Variants in DHRS7 observed in about 807,000 individuals in gnomAD.
DHRS7 encodes dehydrogenase/reductase 7, also known as dehydrogenase/reductase SDR family member 7.
A neutral mutation model predicts 38.9 loss-of-function variants in DHRS7; 34 were observed. The ratio of observed to expected loss-of-function variants is 0.87; its 90% CI spans 0.66 to 1.16. DHRS7 has a LOEUF of 1.16. Among genes scored for constraint, DHRS7 ranks in the 50% most tolerant of loss-of-function variants. The pLI, the probability that DHRS7 is intolerant of heterozygous loss-of-function variation, is 0.00. For synonymous variants in DHRS7, 158 were observed against 153.1 expected, an observed-to-expected ratio of 1.03 and a Z score of -0.24; for missense variants, 421 against 407.0, an observed-to-expected ratio of 1.03 and a Z score of -0.30.
chr14:60,168,833 C>T (rs1424977697), upstream of DHRS7: 3 of 1,445,114 alleles, frequency 2.1e-6, no homozygotes, highest in Non-Finnish European at 2.8e-6. Flanking sequence ...TAATTTCACT[C>T]TTCATAAACC....
Position 60,156,052 on chromosome 14 carries a change from C to T in DHRS7, c.234G>A (p.Val78=). The change falls in exon 2 of 7, where the codon GTG becomes GTA. Residue 78 remains valine, a synonymous_variant. Coordinates refer to ENST00000557185, the MANE Select transcript of DHRS7 (RefSeq NM_016029.4). ...GCTCATGCACTCTTCTGGCTGACAGCACAAGAGAAACTCCTAGTTTAGACA... is the reference window on the plus strand; with the variant it reads ...GCTCATGCACTCTTCTGGCTGACAGTACAAGAGAAACTCCTAGTTTAGACA... ...YQLSKLGVSL[V]LSARRVHELE... 3.7e-6 allele frequency: 6 copies of T among 1,605,756 alleles called. No homozygotes were observed. In the Middle Eastern group the frequency reaches 8.3e-4, roughly 222 times the overall value.
intron 1 of DHRS7, among the ~76,000 whole-genome samples, chr14:60,163,924 G>T (rs1279209159): frequency 1.3e-5 from 2 of 152,176 alleles, no homozygotes; most frequent in South Asian, 2.1e-4. Context: ...TGGAACAATC[G>T]ATCAAGAGAA....
rs577056825 is a variant in DHRS7 at position 60,162,441 on chromosome 14, G to A, written c.133+2736C>T. Among the ~76,000 whole-genome samples, 6 of 152,114 alleles carry A rather than the reference G, an allele frequency of 3.9e-5. No homozygotes were observed. Among genetic ancestry groups the A allele is most frequent in the South Asian group, 2.1e-4 (1 of 4,812 alleles). On this transcript the variant is annotated intron_variant, in intron 1 of 6. Transcript: ENST00000557185. This position sits in a 1 kb window ranked among gnomAD's most constrained non-coding sequence, Gnocchi z 4.5. ...GGAAATGCACAGAATTTCTCTAGAC[G>A]GATACAGAGGAGGCAGGAAATGGTG...
chr14:60,149,680 C>T, intron 5 of DHRS7, 112 bp from the exon 6 acceptor site: 1 of 765,074 alleles, frequency 1.3e-6, no homozygotes, highest in South Asian at 1.8e-5. Flanking sequence ...GAGCTTCATG[C>T]CCCTTAGGAG....
chr14:60,150,652 T>A lies in DHRS7; in HGVS notation c.634-465A>T, dbSNP rs188416184. ...CCCTACAAAGGACATGAACTCATCCTTTTTTATGGATGCATAGTATTCCAT... is the reference window on the plus strand; with the variant it reads ...CCCTACAAAGGACATGAACTCATCCATTTTTATGGATGCATAGTATTCCAT... On this transcript the variant is annotated intron_variant, in intron 4 of 6. Coordinates refer to ENST00000557185, the MANE Select transcript of DHRS7 (RefSeq NM_016029.4). 1.9e-3 allele frequency among the ~76,000 whole-genome samples: 290 copies of A among 152,354 alleles called. 1 individual carries two copies. The highest frequency in any genetic ancestry group is 3.4e-3 in the Middle Eastern group (1 of 294).
chr14:60,145,088 G>A lies in DHRS7; in HGVS notation c.973-75C>T. The A allele has an allele frequency of 1.0e-6, 1 of 977,762 alleles. No individual in the cohort carries two copies. Among genetic ancestry groups the A allele is most frequent in the Non-Finnish European group, 1.5e-6 (1 of 683,302 alleles). The allele number at this position is 977,762 out of a possible 1,614,324, so 60.6% of individuals were successfully genotyped here. On this transcript the variant is annotated intron_variant, in intron 6 of 6. Transcript: ENST00000557185. The surrounding 1 kb of genome is among the most constrained non-coding windows in gnomAD (Gnocchi z 4.0). The stretch of plus-strand genomic sequence containing the variant: ...CAGTTTTTAACATTTAAGTCCTTCT[G>A]TTTTGAGGAGCTGTATCATTATGAT...
In DHRS7 at chr14:60,149,363, T is replaced by G. The variant is rs1451320545; in HGVS notation, c.962A>C (p.Lys321Thr). 1 of 1,614,178 alleles carries G rather than the reference T, an allele frequency of 6.2e-7. No homozygotes were observed. Among genetic ancestry groups the G allele is most frequent in the Admixed American group, 1.7e-5 (1 of 60,026 alleles). The change falls in exon 6 of 7, where the codon AAG (lysine) becomes ACG (threonine). Residue 321 changes from lysine (K) to threonine (T), a missense_variant. Physicochemically the swap from Lys to Thr is moderately conservative, Grantham distance 78. Coordinates refer to ENST00000557185, the MANE Select transcript of DHRS7 (RefSeq NM_016029.4). Reference protein sequence around the residue: ...KMGKKRIENFKSGVDADSSYF... With the variant: ...KMGKKRIENFTSGVDADSSYF... Reference sequence around the variant, plus strand: ...AGAAATTGGTCTTACCACACCACTCTTAAAGTTCTCAATCCTTTTCTTCCC... The same window carrying G: ...AGAAATTGGTCTTACCACACCACTCGTAAAGTTCTCAATCCTTTTCTTCCC...
At chr14:60,169,296 C>G (rs1197951207), upstream of DHRS7, among the ~76,000 whole-genome samples, 1 of 152,108 alleles carries the variant, frequency 6.6e-6, no homozygotes, top group East Asian at 1.9e-4. Context: ...CCAGAAATCC[C>G]CCAGATGGAT....
intron 6 of DHRS7, 176 bp downstream of exon 6, chr14:60,149,177 T>G (rs569454685): frequency 3.3e-6 from 2 of 614,372 alleles, no homozygotes; most frequent in African/African-American, 1.8e-5. Flanking sequence ...TTCACTATGT[T>G]GGCCAGGTTG....
chr14:60,147,604 C>T (rs1203514583), intron 6 of DHRS7: 1 of 152,184 alleles, frequency 6.6e-6, no homozygotes, highest in Admixed American at 6.5e-5. Flanking sequence ...CAATAGCTAA[C>T]ACTTAGAACA....
At chr14:60,168,756 A>G (rs939397762), upstream of DHRS7, 1 of 1,551,716 alleles carries the variant, frequency 6.4e-7, no homozygotes, top group African/African-American at 1.4e-5. Flanking sequence ...TAAGAAAAAC[A>G]AAATTCTTTC....
chr14:60,156,257 T>C (rs1055970444), intron 1 of DHRS7, 105 bp from the exon 2 acceptor site: 14 of 983,936 alleles, frequency 1.4e-5, no homozygotes, highest in Non-Finnish European at 1.8e-5. Flanking sequence ...CCACTAAATA[T>C]GAAGGCATGA....
rs1896457693 is a variant in DHRS7 at position 60,148,315 on chromosome 14, A to G, written c.972+1038T>C. 6.6e-6 allele frequency: 1 copy of G among 152,190 alleles called. No individual in the cohort carries two copies. Among genetic ancestry groups the G allele is most frequent in the African/African-American group, 2.4e-5 (1 of 41,444 alleles). 9.4% of individuals were successfully genotyped at this position (152,190 alleles called of 1,614,324 possible). Reference sequence around the variant, plus strand: ...GTCAATCCCCATTGATTAATTTCTAAAAGAAGGTGGTAACAAAGTATATCA... The same window carrying G: ...GTCAATCCCCATTGATTAATTTCTAGAAGAAGGTGGTAACAAAGTATATCA... On this transcript the variant is annotated intron_variant, in intron 6 of 6. Coordinates refer to ENST00000557185, the MANE Select transcript of DHRS7 (RefSeq NM_016029.4). This position sits in a 1 kb window ranked among gnomAD's most constrained non-coding sequence, Gnocchi z 4.8.
rs1896415346 is a variant in DHRS7, at chr14:60,146,692, T to C, written c.973-1679A>G. ...ATGTGTGTGTGTGTCTGTGTGTGTA[T>C]ATATATATATGGAATATTATTCCAC... On this transcript the variant is annotated intron_variant, in intron 6 of 6. Transcript: ENST00000557185. This position sits in a 1 kb window ranked among gnomAD's most constrained non-coding sequence, Gnocchi z 4.9. 1 of 151,682 alleles carries C rather than the reference T, an allele frequency of 6.6e-6. No individual in the cohort carries two copies. The highest frequency in any genetic ancestry group is 2.4e-5 in the African/African-American group (1 of 41,270). The allele number at this position is 151,682 out of a possible 1,614,324, so 9.4% of individuals were successfully genotyped here. A position where few individuals can be genotyped will look rare whatever the true frequency, so the allele number is the denominator to read the frequency against.
chr14:60,164,596 A>G (rs749269297), intron 1 of DHRS7, among the ~76,000 whole-genome samples: 15 of 152,260 alleles, frequency 9.9e-5, no homozygotes, highest in East Asian at 9.6e-4. Flanking sequence ...CAGTATGCCA[A>G]TAATGATCTC....
rs1896654201 is a variant in DHRS7, at chr14:60,156,107, C to G, written c.179G>C (p.Ser60Thr). ...GTAAGCCAGCTCCTCACCAATTCCACTCGAGGCTCCAGTCACCCACACCAC... is the reference window on the plus strand; with the variant it reads ...GTAAGCCAGCTCCTCACCAATTCCAGTCGAGGCTCCAGTCACCCACACCAC... ...DMVVWVTGAS[S>T]GIGEELAYQL... The change falls in exon 2 of 7, where the codon AGT becomes ACT. Residue 60 changes from serine to threonine, a missense_variant. Coordinates refer to ENST00000557185, the MANE Select transcript of DHRS7 (RefSeq NM_016029.4). The G allele has an allele frequency of 1.2e-6, 2 of 1,600,758 alleles. No homozygotes were observed. Among genetic ancestry groups the G allele is most frequent in the Non-Finnish European group, 1.7e-6 (2 of 1,173,470 alleles).
chr14:60,153,176 G>A lies in DHRS7; in HGVS notation c.396C>T (p.Ile132=), dbSNP rs151158583. The change falls in exon 4 of 7, where the codon ATC becomes ATT. Residue 132 remains isoleucine (I), a splice_region_variant and synonymous_variant. Transcript: ENST00000557185. The surrounding 1 kb of genome is among the most constrained non-coding windows in gnomAD (Gnocchi z 4.4). ...TKAVLQEFGR[I]DILVNNGGMS... is the part of the protein sequence containing the mutation. ...TTCCACCATTGTTGACCAGAATGTC[G>A]ATCTAGTTAAATAAAATCAGAAAAG... is the stretch of plus-strand genomic sequence containing the variant. 5.2e-4 allele frequency: 847 copies of A among 1,613,866 alleles called. No homozygotes were observed. The highest frequency in any genetic ancestry group is 6.6e-4 in the Non-Finnish European group (775 of 1,179,952).
intron 4 of DHRS7, 129 bp from the exon 5 acceptor site, chr14:60,150,316 C>A: frequency 1.2e-6 from 1 of 825,596 alleles, no homozygotes; most frequent in South Asian, 2.7e-5. Flanking sequence ...GCTTATTAGG[C>A]ACTTTTTTTT....
At position 60,145,183 on chromosome 14, in the gene DHRS7, TC is replaced by T; in HGVS notation, c.973-171del. On this transcript the variant is annotated intron_variant, in intron 6 of 6. Coordinates refer to ENST00000557185, the MANE Select transcript of DHRS7 (RefSeq NM_016029.4). The surrounding 1 kb of genome is among the most constrained non-coding windows in gnomAD (Gnocchi z 4.0). ...AGAATTTAAAAATCATAGCCAAAAT[TC>T]TAGATGTACACAAAAGTACTTCTAA... 1 of 496,086 alleles carries T rather than the reference TC, an allele frequency of 2.0e-6. No individual in the cohort carries two copies. Among genetic ancestry groups the T allele is most frequent in the Non-Finnish European group, 3.4e-6 (1 of 290,686 alleles). The allele number at this position is 496,086 out of a possible 1,614,324, so 30.7% of individuals were successfully genotyped here.
Sources: gnomAD v4.1 joint callset for allele counts (sites outside exome capture counted in the v4.1 genomes callset) on GRCh38, gnomAD v4.1.1 for gene constraint, Gnocchi (gnomAD v3.1) non-coding constraint, MANE v1.5 for transcripts, NCBI Gene and HGNC (gene_info 2026-07-23, HGNC 2026-07-21) for gene names.